ASAP1: variants seen among roughly 807,000 people sequenced by gnomAD.
The protein encoded by ASAP1 is arf-GAP with SH3 domain, ANK repeat and PH domain-containing protein 1.
Under a neutral mutation model 145.2 loss-of-function variants are expected in ASAP1, and 43 were observed. That is an observed-to-expected ratio of 0.30 (90% confidence interval 0.23 to 0.38). The LOEUF (loss-of-function observed/expected upper bound fraction) is 0.38, where lower values mean the gene tolerates loss of function less well. Among genes scored for constraint, ASAP1 ranks in the 10% least tolerant of loss-of-function variants. The pLI is 1.00. For synonymous variants in ASAP1, 546 were observed against 515.5 expected, an observed-to-expected ratio of 1.06 and a Z score of -0.80; for missense variants, 1,018 against 1,355.3, an observed-to-expected ratio of 0.75 and a Z score of 3.91.
intron 5 of ASAP1, among the ~76,000 whole-genome samples, chr8:130,190,098 C>G (rs1396428812): frequency 1.3e-5 from 2 of 152,148 alleles, no homozygotes; most frequent in African/African-American, 2.4e-5. Flanking sequence ...TGTGGGTTGT[C>G]TCTTCACTTT....
At position 130,200,665 on chromosome 8, in the gene ASAP1, G is replaced by A. The variant is rs529389885; in HGVS notation, c.406-12482C>T. ...CATACACACACTCCATAACAGATAA[G>A]ATTACTGTTGATTTTTATTTTAGTC... On this transcript the variant is annotated intron_variant, in intron 5 of 29. Transcript: ENST00000518721. Among the ~76,000 whole-genome samples the A allele has an allele frequency of 2.2e-4, 33 of 152,158 alleles. 1 individual carries two copies. Among genetic ancestry groups the A allele is most frequent in the South Asian group, 1.5e-3 (7 of 4,820 alleles).
chr8:130,215,175 C>G (rs1816822953), intron 4 of ASAP1, among the ~76,000 whole-genome samples: 1 of 152,116 alleles, frequency 6.6e-6, no homozygotes, highest in Admixed American at 6.5e-5. Context: ...GCTGGGATTA[C>G]AGGTGTGAGC....
At chr8:130,246,346 C>T (rs1423990002) in intron 3 of ASAP1, among the ~76,000 whole-genome samples, 1 of 152,158 alleles carries the variant, frequency 6.6e-6, no homozygotes, top group African/African-American at 2.4e-5. Context: ...AACAGATCCC[C>T]TTCAAAACCC....
Position 130,092,051 on chromosome 8 carries a change from G to C in ASAP1, c.2494C>G (p.Pro832Ala). The C allele has an allele frequency of 6.3e-7, 1 of 1,574,856 alleles. No homozygotes were observed. Among genetic ancestry groups the C allele is most frequent in the Non-Finnish European group, 8.6e-7 (1 of 1,165,188 alleles). Residue 832 changes from proline to alanine, a missense_variant, in exon 25 of 30, where the codon CCC becomes GCC. Physicochemically the swap from Pro to Ala is conservative, Grantham distance 27. Transcript: ENST00000518721. The stretch of plus-strand genomic sequence containing the variant: ...TCGGATAGGGTTCTCTTGTGTCCGG[G>C]TGGTGGGGGAGGAGGCCTCTTCTTG... ...LSKKRPPPPPPGHKRTLSDPP... is the reference protein window; with the variant it reads ...LSKKRPPPPPAGHKRTLSDPP...
intron 12 of ASAP1, among the ~76,000 whole-genome samples, chr8:130,157,327 C>T (rs1002411507): frequency 4.6e-5 from 7 of 152,150 alleles, no homozygotes; most frequent in African/African-American, 1.7e-4. Context: ...AGATGCTGGA[C>T]GAGGGGTGAT....
intron 16 of ASAP1, among the ~76,000 whole-genome samples, chr8:130,127,312 G>A (rs1436435739): frequency 2.0e-5 from 3 of 152,148 alleles, no homozygotes; most frequent in Non-Finnish European, 4.4e-5. Context: ...TGCCTCCTGG[G>A]TTCAAATGAT....
chr8:130,249,375 A>C (rs1819055729), intron 3 of ASAP1, among the ~76,000 whole-genome samples: 1 of 152,126 alleles, frequency 6.6e-6, no homozygotes, highest in South Asian at 2.1e-4. Context: ...CTGGTTCTCC[A>C]AGTTCATGAT....
chr8:130,400,033 T>A (rs1183034533), intron 2 of ASAP1, among the ~76,000 whole-genome samples: 1 of 152,138 alleles, frequency 6.6e-6, no homozygotes, highest in Admixed American at 6.5e-5. Flanking sequence ...TTGCTTAGGC[T>A]GGTCTCGAAC....
intron 3 of ASAP1, among the ~76,000 whole-genome samples, chr8:130,297,429 G>A (rs1822354020): frequency 6.6e-6 from 1 of 152,200 alleles, no homozygotes; most frequent in South Asian, 2.1e-4. Flanking sequence ...CACACCTGTG[G>A]CTGTTCAAGG....
chr8:130,316,199 C>T (rs531332776), intron 3 of ASAP1, among the ~76,000 whole-genome samples: 2 of 152,352 alleles, frequency 1.3e-5, no homozygotes, highest in East Asian at 3.9e-4. Context: ...CTTCTGAGGG[C>T]TATGCCAACC....
At chr8:130,168,738 G>A (rs1398078589) in intron 10 of ASAP1, among the ~76,000 whole-genome samples, 1 of 152,136 alleles carries the variant, frequency 6.6e-6, no homozygotes, top group African/African-American at 2.4e-5. Flanking sequence ...TAACTGAATC[G>A]TAAATGCAGA....
At chr8:130,256,765 A>T (rs891244874) in intron 3 of ASAP1, among the ~76,000 whole-genome samples, 7 of 127,320 alleles carry the variant, frequency 5.5e-5, no homozygotes, top group African/African-American at 8.5e-5. Flanking sequence ...ATATATATAT[A>T]TATATATATA....
At chr8:130,351,861 G>C (rs1221416730) in intron 3 of ASAP1, among the ~76,000 whole-genome samples, 1 of 152,210 alleles carries the variant, frequency 6.6e-6, no homozygotes, top group Non-Finnish European at 1.5e-5. Flanking sequence ...AACCATATCA[G>C]GACCAAAAGC....
intron 13 of ASAP1, among the ~76,000 whole-genome samples, chr8:130,147,088 G>A (rs2097632994): frequency 6.6e-6 from 1 of 151,114 alleles, no homozygotes; most frequent in South Asian, 2.1e-4. Context: ...TTAGCTGGCT[G>A]TGGTGGCGCA....
intron 13 of ASAP1, among the ~76,000 whole-genome samples, chr8:130,150,379 T>G (rs1321707530): frequency 6.6e-6 from 1 of 152,218 alleles, no homozygotes; most frequent in Non-Finnish European, 1.5e-5. Context: ...ATATAACCAC[T>G]AAGCAGTGCC....
intron 25 of ASAP1, among the ~76,000 whole-genome samples, chr8:130,090,646 T>C (rs1020886929): frequency 2.0e-5 from 3 of 152,214 alleles, no homozygotes; most frequent in Non-Finnish European, 2.9e-5. Flanking sequence ...GTAAAGAACA[T>C]GTGCTCTAAT....
In ASAP1 at chr8:130,092,079, T is replaced by G. The variant is rs1414054075; in HGVS notation, c.2466A>C (p.Leu822=). The G allele has an allele frequency of 3.2e-6, 5 of 1,572,138 alleles. No individual in the cohort carries two copies. The highest frequency in any genetic ancestry group is 3.4e-6 in the Non-Finnish European group (4 of 1,164,052). ...GTGGGGGAGGAGGCCTCTTCTTGGA[T>G]AGGGTGGAGCTGCCACTAGAGGTCT... is the stretch of plus-strand genomic sequence containing the variant. ...STQTSSGSST[L]SKKRPPPPPP... Residue 822 remains leucine, a synonymous_variant, in exon 25 of 30, where the codon CTA becomes CTC. Coordinates refer to ENST00000518721, the MANE Select transcript of ASAP1 (RefSeq NM_018482.4).
At chr8:130,435,333 T>A (rs561151515) in intron 1 of ASAP1, among the ~76,000 whole-genome samples, 3 of 152,370 alleles carry the variant, frequency 2.0e-5, no homozygotes, top group African/African-American at 7.2e-5. Flanking sequence ...TTCAAGCACA[T>A]GCATTTTCTT....
intron 5 of ASAP1, among the ~76,000 whole-genome samples, chr8:130,210,836 G>A (rs930466088): frequency 3.3e-5 from 5 of 152,136 alleles, no homozygotes; most frequent in Non-Finnish European, 5.9e-5. Flanking sequence ...TTTACACTGA[G>A]TTACCTTAAA....
Sources: gnomAD v4.1 joint callset for allele counts (sites outside exome capture counted in the v4.1 genomes callset) on GRCh38, gnomAD v4.1.1 for gene constraint, MANE v1.5 for transcripts, NCBI Gene and HGNC (gene_info 2026-07-23, HGNC 2026-07-21) for gene names.